The following ACSS3 variants were observed in gnomAD, a reference collection of about 807,000 sequenced individuals.
The protein encoded by ACSS3 is acyl-CoA synthetase short chain family member 3, also known as acyl-CoA synthetase short-chain family member 3, mitochondrial.
Under a neutral mutation model 84.2 loss-of-function variants are expected in ACSS3, and 64 were observed. The observed-to-expected ratio is 0.76, with a 90% CI of 0.62 to 0.94. ACSS3 has a LOEUF of 0.94. ACSS3 is among the 40% of genes least tolerant of loss of function. The pLI, the probability that ACSS3 is intolerant of heterozygous loss-of-function variation, is 0.00. For missense variants in ACSS3, 815 were observed against 867.6 expected (o/e 0.94, Z 0.76); for synonymous variants, 317 against 310.1 (o/e 1.02, Z -0.23).
intron 12 of ACSS3, among the ~76,000 whole-genome samples, chr12:81,232,031 A>G (rs1219612550): frequency 1.3e-5 from 2 of 151,846 alleles, no homozygotes; most frequent in African/African-American, 4.8e-5. Context: ...CGAAATGAAA[A>G]TAATTAAAAT....
intron 8 of ACSS3, among the ~76,000 whole-genome samples, chr12:81,189,006 C>T (rs2031428000): frequency 1.3e-5 from 2 of 152,184 alleles, no homozygotes; most frequent in South Asian, 4.1e-4. Context: ...CCCAAATCAT[C>T]TTGGAGTTAT....
At position 81,181,747 on chromosome 12, in the gene ACSS3, C is replaced by CAAAAA. The variant is rs59878486; in HGVS notation, c.1250+6825_1250+6829dup. ...AAGCCAAAGATTTCAATCAATTAAG[C>CAAAAA]AAAAAAAAAAAAAAAAAAAAAGCAA... On this transcript the variant is annotated intron_variant, in intron 8 of 15. Transcript: ENST00000548058. Among the ~76,000 whole-genome samples, 111 of 47,900 alleles carry CAAAAA rather than the reference C, an allele frequency of 2.3e-3. 3 individuals carry two copies. Among genetic ancestry groups the CAAAAA allele is most frequent in the African/African-American group, 7.2e-3 (74 of 10,254 alleles). 31.4% of individuals were successfully genotyped at this position (47,900 alleles called of 152,430 possible). A position where few individuals can be genotyped will look rare whatever the true frequency, so the allele number is the denominator to read the frequency against.
intron 7 of ACSS3, among the ~76,000 whole-genome samples, chr12:81,168,859 A>G (rs1489599312): frequency 6.6e-6 from 1 of 152,222 alleles, no homozygotes; most frequent in African/African-American, 2.4e-5. Flanking sequence ...GTTACATTCT[A>G]GGCTCATCCA....
upstream of ACSS3, chr12:81,077,877 C>T (rs941380309): frequency 3.5e-5 from 16 of 463,448 alleles, no homozygotes; most frequent in Middle Eastern, 5.4e-4. Context: ...TCTCGTGCAG[C>T]AGCGCAACTA....
intron 1 of ACSS3, among the ~76,000 whole-genome samples, chr12:81,098,235 C>T (rs1237347363): frequency 6.6e-6 from 1 of 151,694 alleles, no homozygotes; most frequent in African/African-American, 2.4e-5. Flanking sequence ...CCTGCCCTGT[C>T]CCCTGAGTTG....
In ACSS3 at chr12:81,254,916, A is replaced by T. The variant is rs1223707392; in HGVS notation, c.2055A>T (p.Gln685His). The T allele has an allele frequency of 1.9e-6, 3 of 1,602,640 alleles. No individual in the cohort carries two copies. The highest frequency in any genetic ancestry group is 2.6e-6 in the Non-Finnish European group (3 of 1,174,358). The change falls in exon 16 of 16, where the codon CAA becomes CAT. Residue 685 changes from glutamine to histidine, a missense_variant. Transcript: ENST00000548058. ...GCCACGTAGAAGAAATGCTGAAGCAAGCATAATGAGTTTGTCTTATTCCTA... is the reference window on the plus strand; with the variant it reads ...GCCACGTAGAAGAAATGCTGAAGCATGCATAATGAGTTTGTCTTATTCCTA... Reference protein sequence around the residue: ...IFGHVEEMLKQA With the variant: ...IFGHVEEMLKHA
intron 11 of ACSS3, among the ~76,000 whole-genome samples, chr12:81,221,988 C>G (rs999141179): frequency 6.6e-6 from 1 of 152,014 alleles, no homozygotes; most frequent in Non-Finnish European, 1.5e-5. Flanking sequence ...GGCTGCTTCA[C>G]CCCACATCCA....
At chr12:81,079,873 T>G (rs1177449399) in intron 1 of ACSS3, among the ~76,000 whole-genome samples, 7 of 152,212 alleles carry the variant, frequency 4.6e-5, no homozygotes, top group Admixed American at 4.6e-4. Context: ...TAGTAAAGGA[T>G]GAAGACTATG....
intron 1 of ACSS3, among the ~76,000 whole-genome samples, chr12:81,079,360 C>G (rs1281587943): frequency 6.6e-6 from 1 of 152,166 alleles, no homozygotes; most frequent in African/African-American, 2.4e-5. Context: ...TTGCTCTCAT[C>G]TGCCAGCCAT....
In ACSS3 at chr12:81,191,337, C is replaced by G. The variant is rs547894974; in HGVS notation, c.1251-8004C>G. Among the ~76,000 whole-genome samples the G allele has an allele frequency of 5.9e-5, 9 of 152,126 alleles. No homozygotes were observed. In the East Asian group the frequency reaches 1.7e-3, roughly 29 times the overall value. On this transcript the variant is annotated intron_variant, in intron 8 of 15. Transcript: ENST00000548058. Reference sequence around the variant, plus strand: ...TGCTCCACCTGTTATCCCCCTCTTCCTTTCTATTTTTGGAGATTCCTTTAA... The same window carrying G: ...TGCTCCACCTGTTATCCCCCTCTTCGTTTCTATTTTTGGAGATTCCTTTAA...
intron 8 of ACSS3, among the ~76,000 whole-genome samples, chr12:81,178,319 T>C (rs2030650141): frequency 8.3e-6 from 1 of 119,934 alleles, no homozygotes; most frequent in South Asian, 2.9e-4. Flanking sequence ...TGTTGTGGGA[T>C]GGGGGGAGGG....
intron 11 of ACSS3, among the ~76,000 whole-genome samples, chr12:81,221,789 G>C (rs2033118726): frequency 6.6e-6 from 1 of 152,050 alleles, no homozygotes; most frequent in Admixed American, 6.6e-5. Flanking sequence ...ACACGTTTGT[G>C]GGTGGATGTT....
At chr12:81,225,279 T>A (rs1298329165) in intron 11 of ACSS3, among the ~76,000 whole-genome samples, 1 of 151,964 alleles carries the variant, frequency 6.6e-6, no homozygotes, top group Non-Finnish European at 1.5e-5. Context: ...TTATGAGTCT[T>A]TCTTTAGAGA....
Position 81,078,364 on chromosome 12 carries a change from G to C in ACSS3, c.244G>C (p.Glu82Gln), listed in dbSNP as rs749390394. ...CGAGAGGTTCTGGGGCAAAGCTGCCGAGCAGATCAGCTGGTACAAGCCCTG... is the reference window on the plus strand; with the variant it reads ...CGAGAGGTTCTGGGGCAAAGCTGCCCAGCAGATCAGCTGGTACAAGCCCTG... ...DPERFWGKAAEQISWYKPWTK... is the reference protein window; with the variant it reads ...DPERFWGKAAQQISWYKPWTK... The change falls in exon 1 of 16, where the codon GAG (glutamate) becomes CAG (glutamine). Residue 82 changes from glutamate (E) to glutamine (Q), a missense_variant. Glu to Gln is a conservative substitution (Grantham distance 29, BLOSUM62 2). Coordinates refer to ENST00000548058, the MANE Select transcript of ACSS3 (RefSeq NM_024560.4). The C allele has an allele frequency of 1.2e-6, 2 of 1,612,554 alleles. No homozygotes were observed. The highest frequency in any genetic ancestry group is 2.7e-5 in the African/African-American group (2 of 74,866).
intron 9 of ACSS3, among the ~76,000 whole-genome samples, chr12:81,201,901 C>T (rs144465796): frequency 2.1e-3 from 318 of 152,206 alleles, no homozygotes; most frequent in African/African-American, 7.4e-3. Flanking sequence ...GCTAACAGGA[C>T]ACTAGTTAGG....
chr12:81,240,530 CATT>C (rs1219234039), intron 13 of ACSS3, among the ~76,000 whole-genome samples: 7 of 151,940 alleles, frequency 4.6e-5, no homozygotes, highest in African/African-American at 7.2e-5. Context: ...ATATTTAGAT[CATT>C]GATATTAAGT....
chr12:81,141,595 T>A (rs368176686), intron 4 of ACSS3, among the ~76,000 whole-genome samples: 2 of 152,212 alleles, frequency 1.3e-5, no homozygotes, highest in East Asian at 3.8e-4. Flanking sequence ...TGCACATACC[T>A]CTGTTTCTTA....
At chr12:81,245,275 CA>C (rs2033946150) in intron 13 of ACSS3, among the ~76,000 whole-genome samples, 3 of 152,132 alleles carry the variant, frequency 2.0e-5, no homozygotes, top group Non-Finnish European at 2.9e-5. Context: ...TCCTGGCTAA[CA>C]CAGTGAAACC....
chr12:81,216,302 G>A (rs1317356221), intron 9 of ACSS3, among the ~76,000 whole-genome samples: 1 of 151,512 alleles, frequency 6.6e-6, no homozygotes, highest in African/African-American at 2.4e-5. Context: ...GACTGTTGTG[G>A]GGTTGGAGGA....
Sources: allele counts gnomAD v4.1 joint callset (sites outside exome capture counted in the v4.1 genomes callset), GRCh38; gene constraint gnomAD v4.1.1; transcripts MANE v1.5; gene names NCBI Gene and HGNC (gene_info 2026-07-23, HGNC 2026-07-21).